THSD7B: variants seen among roughly 807,000 people sequenced by gnomAD.
THSD7B encodes thrombospondin type 1 domain containing 7B.
THSD7B carries 138 observed loss-of-function variants against 213.6 expected under a neutral mutation model. The observed-to-expected ratio is 0.65, with a 90% confidence interval of 0.56 to 0.74. The LOEUF is 0.74. THSD7B is among the 30% of genes least tolerant of loss of function. The probability of loss-of-function intolerance (pLI) is 0.00; values close to 1 mark genes in which losing one functional copy is unlikely to be tolerated. For synonymous variants in THSD7B, 742 were observed against 687.0 expected, an observed-to-expected ratio of 1.08 and a Z score of -1.25; for missense variants, 1,931 against 1,991.5, an observed-to-expected ratio of 0.97 and a Z score of 0.58.
At chr2:137,124,967 T>G (rs1464637145) in intron 5 of THSD7B, among the ~76,000 whole-genome samples, 1 of 152,244 alleles carries the variant, frequency 6.6e-6, no homozygotes, top group East Asian at 1.9e-4. Context: ...TTGTTTCTTC[T>G]AAGATCTACT....
chr2:136,914,597 C>A (rs10168017), intron 2 of THSD7B, among the ~76,000 whole-genome samples: 1 of 152,070 alleles, frequency 6.6e-6, no homozygotes, highest in Non-Finnish European at 1.5e-5. Flanking sequence ...CTGCTGTTTT[C>A]GTGATAGTGA....
chr2:137,657,987 A>C (rs948299860), intron 24 of THSD7B, among the ~76,000 whole-genome samples: 1 of 152,254 alleles, frequency 6.6e-6, no homozygotes. Flanking sequence ...CTGGGATTAC[A>C]GGCGTGAGCC....
At chr2:137,512,398 T>TTTTTTTTTTTTTTTTTTA in intron 15 of THSD7B, among the ~76,000 whole-genome samples, 1 of 140,416 alleles carries the variant, frequency 7.1e-6, no homozygotes, top group Non-Finnish European at 1.5e-5. Context: ...TTTTTTTTTT[T>TTTTTTTTTTTTTTTTTTA]TTTTTTTTTT....
Position 137,640,522 on chromosome 2 carries a change from T to C in THSD7B, c.3800-1966T>C, listed in dbSNP as rs369986811. ...CATGTCTACCCAGCAGCATAATTAA[T>C]GAAGCAGCTACTAGAGTAAAACTGC... On this transcript the variant is annotated intron_variant, in intron 20 of 27. Transcript: ENST00000409968. Among the ~76,000 whole-genome samples, 82 of 152,346 alleles carry C rather than the reference T, an allele frequency of 5.4e-4. 1 individual carries two copies. In the South Asian group the frequency reaches 0.016, roughly 30 times the overall value.
chr2:137,605,186 T>G (rs1020561423), intron 17 of THSD7B, among the ~76,000 whole-genome samples: 1 of 152,228 alleles, frequency 6.6e-6, no homozygotes, highest in African/African-American at 2.4e-5. Context: ...GAGAGGCAAG[T>G]ACATAGTGAT....
chr2:136,857,006 T>A (rs1683189402), intron 1 of THSD7B, among the ~76,000 whole-genome samples: 1 of 152,244 alleles, frequency 6.6e-6, no homozygotes, highest in Admixed American at 6.5e-5. Flanking sequence ...GAGACCTAGA[T>A]TGGTTTCTTG....
chr2:136,927,030 G>A (rs1324879390), intron 2 of THSD7B, among the ~76,000 whole-genome samples: 10 of 152,056 alleles, frequency 6.6e-5, no homozygotes, highest in Admixed American at 6.5e-4. Flanking sequence ...TTCTCTACCA[G>A]TTTTAGGATA....
intron 17 of THSD7B, among the ~76,000 whole-genome samples, chr2:137,591,464 G>T (rs980077691): frequency 2.6e-5 from 4 of 151,684 alleles, no homozygotes; most frequent in Non-Finnish European, 5.9e-5. Context: ...GTATATTTCA[G>T]TTTTTAAATT....
intron 3 of THSD7B, among the ~76,000 whole-genome samples, chr2:137,075,592 A>G (rs998809782): frequency 6.6e-6 from 1 of 152,130 alleles, no homozygotes; most frequent in African/African-American, 2.4e-5. Flanking sequence ...AACTCGTTAA[A>G]GTCATTCTCC....
At chr2:137,555,394 C>T (rs777641970) in intron 15 of THSD7B, among the ~76,000 whole-genome samples, 1 of 152,230 alleles carries the variant, frequency 6.6e-6, no homozygotes, top group African/African-American at 2.4e-5. Flanking sequence ...GCAACATTCG[C>T]TGTTCTGCAG....
intron 2 of THSD7B, among the ~76,000 whole-genome samples, chr2:136,906,786 G>A (rs1361562241): frequency 6.6e-6 from 1 of 151,944 alleles, no homozygotes; most frequent in Non-Finnish European, 1.5e-5. Context: ...TTTCACTCAA[G>A]TAGTTATGGC....
chr2:137,546,455 T>TATAA (rs1491145044), intron 15 of THSD7B, among the ~76,000 whole-genome samples: 1 of 19,700 alleles, frequency 5.1e-5, no homozygotes, highest in Admixed American at 7.7e-4. Flanking sequence ...TATATATATA[T>TATAA]TATATATAAT....
chr2:137,088,227 A>C (rs962696768), intron 3 of THSD7B, among the ~76,000 whole-genome samples: 1 of 151,976 alleles, frequency 6.6e-6, no homozygotes, highest in African/African-American at 2.4e-5. Context: ...GTGACAGAGC[A>C]AGACTCTGTC....
chr2:137,562,057 A>T (rs1681129921), intron 15 of THSD7B, among the ~76,000 whole-genome samples: 1 of 152,154 alleles, frequency 6.6e-6, no homozygotes, highest in Non-Finnish European at 1.5e-5. Context: ...TTTACCTAAC[A>T]TGCTGACAGT....
intron 1 of THSD7B, among the ~76,000 whole-genome samples, chr2:136,854,551 C>T (rs538139114): frequency 9.9e-5 from 15 of 152,088 alleles, no homozygotes; most frequent in African/African-American, 3.6e-4. Context: ...CTCAAGTGCA[C>T]AGCACCATGG....
At chr2:137,160,049 T>C (rs992949282) in intron 5 of THSD7B, among the ~76,000 whole-genome samples, 164 bp from the exon 6 acceptor site, 6 of 152,226 alleles carry the variant, frequency 3.9e-5, no homozygotes, top group Admixed American at 6.5e-5. Flanking sequence ...ATACTAGTCA[T>C]GTGAAGCTAA....
At chr2:137,401,979 C>G (rs1686377280) in intron 12 of THSD7B, among the ~76,000 whole-genome samples, 1 of 152,192 alleles carries the variant, frequency 6.6e-6, no homozygotes, top group Non-Finnish European at 1.5e-5. Flanking sequence ...TTATTCTTCA[C>G]ATACTAAGGA....
intron 15 of THSD7B, among the ~76,000 whole-genome samples, chr2:137,488,669 A>G (rs959064681): frequency 1.3e-5 from 2 of 152,346 alleles, no homozygotes; most frequent in African/African-American, 4.8e-5. Context: ...AAAATCACCC[A>G]TCTTCTAAGA....
intron 1 of THSD7B, among the ~76,000 whole-genome samples, chr2:136,813,438 G>A (rs1016150013): frequency 7.0e-6 from 1 of 143,416 alleles, no homozygotes; most frequent in East Asian, 1.9e-4. Flanking sequence ...AAAATGGAGC[G>A]CCTGCTCTTC....
Sources: allele counts gnomAD v4.1 joint callset (sites outside exome capture counted in the v4.1 genomes callset), GRCh38; gene constraint gnomAD v4.1.1; transcripts MANE v1.5; gene names NCBI Gene and HGNC (gene_info 2026-07-23, HGNC 2026-07-21).